Variants in CUX1 observed in about 807,000 individuals in gnomAD.
The protein encoded by CUX1 is cut like homeobox 1.
Under a neutral mutation model 158.8 loss-of-function variants are expected in CUX1, and 31 were observed. That is an observed-to-expected ratio of 0.20 (90% CI 0.15 to 0.26). The LOEUF (loss-of-function observed/expected upper bound fraction) is 0.26. Among genes scored for constraint, CUX1 ranks in the 10% least tolerant of loss-of-function variants. CUX1 has a pLI of 1.00. For synonymous variants in CUX1, 879 were observed against 862.1 expected (o/e 1.02, Z -0.34); for missense variants, 1,589 against 2,014.6 (o/e 0.79, Z 4.04).
At chr7:102,127,826 C>T (rs937261306) in intron 8 of CUX1, among the ~76,000 whole-genome samples, 4 of 126,026 alleles carry the variant, frequency 3.2e-5, no homozygotes, top group Non-Finnish European at 6.8e-5. Flanking sequence ...GCATCTTTTT[C>T]GTGTTTTTTG....
intron 1 of CUX1, among the ~76,000 whole-genome samples, chr7:101,878,053 C>T (rs1284355071): frequency 6.6e-6 from 1 of 152,170 alleles, no homozygotes; most frequent in Non-Finnish European, 1.5e-5. Flanking sequence ...TAGCAGTTTA[C>T]ACCCCTTCCC....
At chr7:101,883,556 A>G (rs954005637) in intron 1 of CUX1, among the ~76,000 whole-genome samples, 4 of 151,306 alleles carry the variant, frequency 2.6e-5, no homozygotes, top group African/African-American at 9.7e-5. Flanking sequence ...CATGCAATTG[A>G]TCTATAGTTA....
intron 2 of CUX1, among the ~76,000 whole-genome samples, chr7:101,993,786 C>T (rs1362020097): frequency 5.9e-5 from 9 of 152,188 alleles, no homozygotes; most frequent in Admixed American, 3.9e-4. Flanking sequence ...CTGCCTGCCC[C>T]TCCCGGTGCA....
intron 8 of CUX1, among the ~76,000 whole-genome samples, chr7:102,144,117 G>A (rs1834766493): frequency 6.6e-6 from 1 of 152,158 alleles, no homozygotes; most frequent in South Asian, 2.1e-4. Context: ...CTTTTCCACA[G>A]CTGCAGCCAC....
intron 2 of CUX1, among the ~76,000 whole-genome samples, chr7:101,996,634 C>G (rs1027294344): frequency 5.3e-5 from 8 of 150,630 alleles, no homozygotes; most frequent in Non-Finnish European, 1.2e-4. Context: ...CCCTCCCTCC[C>G]TCATTTCTCT....
chr7:102,062,004 G>A (rs1824933497), intron 3 of CUX1, among the ~76,000 whole-genome samples: 1 of 152,186 alleles, frequency 6.6e-6, no homozygotes, highest in Non-Finnish European at 1.5e-5. Flanking sequence ...GTTGACTAGG[G>A]CTGGCTGTGA....
intron 22 of CUX1, among the ~76,000 whole-genome samples, chr7:102,235,239 C>T (rs538336754): frequency 2.6e-5 from 4 of 152,310 alleles, no homozygotes; most frequent in South Asian, 2.1e-4. Context: ...CCAGTGAGTC[C>T]GCCCCTCGAG....
intron 4 of CUX1, among the ~76,000 whole-genome samples, chr7:102,092,694 T>C (rs1828697937): frequency 6.6e-6 from 1 of 152,054 alleles, no homozygotes; most frequent in Non-Finnish European, 1.5e-5. Context: ...AGCAGATTGC[T>C]TGAGGCCGGG....
intron 2 of CUX1, among the ~76,000 whole-genome samples, chr7:101,993,371 G>A (rs1815397848): frequency 6.6e-6 from 1 of 152,148 alleles, no homozygotes; most frequent in Non-Finnish European, 1.5e-5. Context: ...AACAAGGCGT[G>A]CTGGAGATGG....
At chr7:102,177,249 A>T (rs138073410) in intron 10 of CUX1, among the ~76,000 whole-genome samples, 1 of 151,772 alleles carries the variant, frequency 6.6e-6, no homozygotes, top group East Asian at 1.9e-4. Context: ...CCCCATCTCT[A>T]CTAAAAATAC....
chr7:101,893,296 C>A (rs1406477286), intron 1 of CUX1, among the ~76,000 whole-genome samples: 1 of 150,842 alleles, frequency 6.6e-6, no homozygotes, highest in African/African-American at 2.4e-5. Context: ...GCATGAGCAA[C>A]TGCGCCTGGC....
intron 8 of CUX1, among the ~76,000 whole-genome samples, chr7:102,121,160 CTTTTTATTTTAT>C (rs1831988264): frequency 6.6e-6 from 1 of 151,964 alleles, no homozygotes; most frequent in South Asian, 2.1e-4. Flanking sequence ...TGGATACTTT[CTTTTTATTTTAT>C]TTTTTATTTT....
At position 101,817,756 on chromosome 7, in the gene CUX1, GA is replaced by G; in HGVS notation, c.30+89del. The G allele has an allele frequency of 1.4e-5, 21 of 1,503,770 alleles. No individual in the cohort carries two copies. The highest frequency in any genetic ancestry group is 1.8e-5 in the Non-Finnish European group (20 of 1,116,708). 93.2% of individuals were successfully genotyped at this position (1,503,770 alleles called of 1,614,324 possible). A position where few individuals can be genotyped will look rare whatever the true frequency, so the allele number is the denominator to read the frequency against. ...GGGGGTGCCCGGGTCCCGCGGCTTA[GA>G]ATGCTCTAGGGCGGCCTGGTGCTCT... is the stretch of plus-strand genomic sequence containing the variant. On this transcript the variant is annotated intron_variant, in intron 1 of 23. Coordinates refer to ENST00000292535, the MANE Select transcript of CUX1 (RefSeq NM_181552.4). The surrounding 1 kb of genome is among the most constrained non-coding windows in gnomAD (Gnocchi z 4.1).
chr7:101,977,254 G>A (rs547703669), intron 2 of CUX1, among the ~76,000 whole-genome samples: 50 of 152,036 alleles, frequency 3.3e-4, no homozygotes, highest in African/African-American at 1.0e-3. Context: ...CTCCACTCCC[G>A]AAGATGTATC....
chr7:102,240,360 C>T (rs1314076518), intron 23 of CUX1, among the ~76,000 whole-genome samples: 3 of 152,174 alleles, frequency 2.0e-5, no homozygotes, highest in African/African-American at 7.2e-5. Flanking sequence ...GCTGGAACTC[C>T]TGGGCTCAGG....
intron 8 of CUX1, among the ~76,000 whole-genome samples, chr7:102,147,380 G>A (rs1234059891): frequency 1.3e-5 from 2 of 152,160 alleles, no homozygotes; most frequent in African/African-American, 2.4e-5. Context: ...TCACAGATCC[G>A]TGTTGGGCAC....
At chr7:102,280,763 G>C in intron 19 of CUX1, 1 of 1,605,826 alleles carries the variant, frequency 6.2e-7, no homozygotes, top group Non-Finnish European at 8.5e-7. Flanking sequence ...GGGCCTGTGA[G>C]GTCCTTTGGG....
intron 14 of CUX1, among the ~76,000 whole-genome samples, chr7:102,271,517 G>A (rs907050516): frequency 1.3e-5 from 2 of 152,204 alleles, no homozygotes; most frequent in African/African-American, 2.4e-5. Context: ...AGGCCAGGAG[G>A]GCATGGTATT....
intron 2 of CUX1, among the ~76,000 whole-genome samples, chr7:101,999,706 C>G (rs1045775244): frequency 6.6e-6 from 1 of 152,222 alleles, no homozygotes; most frequent in Non-Finnish European, 1.5e-5. Context: ...AAGATTAAAC[C>G]TTTCCAAGGC....
Sources: allele counts gnomAD v4.1 joint callset (sites outside exome capture counted in the v4.1 genomes callset), GRCh38; gene constraint gnomAD v4.1.1; non-coding constraint Gnocchi (gnomAD v3.1); transcripts MANE v1.5; gene names NCBI Gene and HGNC (gene_info 2026-07-23, HGNC 2026-07-21).